Variants in HS3ST3A1 observed in about 807,000 individuals in gnomAD.
The protein encoded by HS3ST3A1 is heparan sulfate glucosamine 3-O-sulfotransferase 3A1.
HS3ST3A1 carries 19 observed loss-of-function variants against 25.7 expected under a neutral mutation model. The observed-to-expected ratio is 0.74, with a 90% CI of 0.52 to 1.08. The LOEUF is 1.08. Ranked by LOEUF, HS3ST3A1 falls within the 50% of genes least tolerant of loss-of-function variation. HS3ST3A1 has a pLI of 0.00. For synonymous variants in HS3ST3A1, 226 were observed against 278.6 expected, an observed-to-expected ratio of 0.81 and a Z score of 1.88; for missense variants, 459 against 594.3, an observed-to-expected ratio of 0.77 and a Z score of 2.37.
intron 1 of HS3ST3A1, 149 bp from the exon 2 acceptor site, chr17:13,496,967 C>T: frequency 1.9e-6 from 2 of 1,028,350 alleles, no homozygotes; most frequent in African/African-American, 1.6e-5. Flanking sequence ...GCACAACGAG[C>T]CCCGCACCTC....
intron 1 of HS3ST3A1, among the ~76,000 whole-genome samples, chr17:13,526,414 A>G (rs977174491): frequency 3.4e-5 from 5 of 146,484 alleles, no homozygotes; most frequent in African/African-American, 5.0e-5. Context: ...ATTGGGGGGA[A>G]GGAAACACTT....
At chr17:13,533,393 C>T (rs115017764) in intron 1 of HS3ST3A1, among the ~76,000 whole-genome samples, 3,263 of 151,848 alleles carry the variant, frequency 0.021, 108 homozygotes, top group African/African-American at 0.073. Context: ...TGTCATCGTC[C>T]TAAGTCTTGT....
At chr17:13,515,476 T>G (rs1318004814) in intron 1 of HS3ST3A1, among the ~76,000 whole-genome samples, 1 of 147,098 alleles carries the variant, frequency 6.8e-6, no homozygotes, top group African/African-American at 2.5e-5. Context: ...TTTCAGTTTT[T>G]TTTTTTTTTT....
intron 1 of HS3ST3A1, among the ~76,000 whole-genome samples, chr17:13,512,706 T>C (rs1291349939): frequency 1.3e-5 from 2 of 152,178 alleles, no homozygotes; most frequent in Non-Finnish European, 1.5e-5. Flanking sequence ...AGAATAAAAT[T>C]AGTATTCAAA....
chr17:13,552,641 A>C (rs1196506117), intron 1 of HS3ST3A1, among the ~76,000 whole-genome samples: 2 of 152,180 alleles, frequency 1.3e-5, no homozygotes, highest in African/African-American at 4.8e-5. Context: ...CTTTCTCCAG[A>C]ACTCTGCCTA....
chr17:13,547,735 G>C (rs1003743344), intron 1 of HS3ST3A1, among the ~76,000 whole-genome samples: 1 of 152,144 alleles, frequency 6.6e-6, no homozygotes, highest in African/African-American at 2.4e-5. Context: ...AAGGGGTTAT[G>C]AGAACCCTTG....
At chr17:13,511,860 AT>A (rs141866308) in intron 1 of HS3ST3A1, among the ~76,000 whole-genome samples, 2,292 of 152,166 alleles carry the variant, frequency 0.015, 56 homozygotes, top group African/African-American at 0.052. Flanking sequence ...TTGTCTTTGA[AT>A]TTTGATAGAT....
At chr17:13,580,334 A>G (rs1908077246) in intron 1 of HS3ST3A1, among the ~76,000 whole-genome samples, 1 of 152,090 alleles carries the variant, frequency 6.6e-6, no homozygotes, top group African/African-American at 2.4e-5. Flanking sequence ...TAAAAATGAC[A>G]CTTTGACTTT....
chr17:13,560,975 A>G (rs1907530985), intron 1 of HS3ST3A1, among the ~76,000 whole-genome samples: 1 of 152,214 alleles, frequency 6.6e-6, no homozygotes, highest in Admixed American at 6.5e-5. Context: ...TGGGCACAGA[A>G]GATCCAGTAA....
intron 1 of HS3ST3A1, among the ~76,000 whole-genome samples, chr17:13,530,995 C>T (rs945379258): frequency 2.4e-4 from 36 of 152,146 alleles, no homozygotes; most frequent in African/African-American, 8.4e-4. Flanking sequence ...GAATCAGATG[C>T]TATTGAGTGT....
At position 13,496,003 on chromosome 17, in the gene HS3ST3A1, T is replaced by G; in HGVS notation, c.*194A>C. 1 of 616,838 alleles carries G rather than the reference T, an allele frequency of 1.6e-6. No individual in the cohort carries two copies. Among genetic ancestry groups the G allele is most frequent in the Non-Finnish European group, 2.6e-6 (1 of 386,618 alleles). The allele number at this position is 616,838 out of a possible 1,614,324, so 38.2% of individuals were successfully genotyped here. A position where few individuals can be genotyped will look rare whatever the true frequency, so the allele number is the denominator to read the frequency against. On this transcript the variant is annotated 3_prime_UTR_variant, in exon 2 of 2. Coordinates refer to ENST00000284110, the MANE Select transcript of HS3ST3A1 (RefSeq NM_006042.3). ...GAAAGTGTTTAGACGAGTGAAATTT[T>G]CCTTTTCTGTTGATCCACGTGTTTG...
intron 1 of HS3ST3A1, among the ~76,000 whole-genome samples, chr17:13,578,646 T>C (rs1908017531): frequency 6.6e-6 from 1 of 151,780 alleles, no homozygotes; most frequent in African/African-American, 2.4e-5. Flanking sequence ...GGGCCCAGTC[T>C]CTCCTAGACA....
chr17:13,568,770 G>C (rs1301446654), intron 1 of HS3ST3A1, among the ~76,000 whole-genome samples: 3 of 152,112 alleles, frequency 2.0e-5, no homozygotes, highest in African/African-American at 7.2e-5. Flanking sequence ...TGGGAACCAA[G>C]TTGTAAAAAA....
intron 1 of HS3ST3A1, among the ~76,000 whole-genome samples, chr17:13,499,300 A>G (rs1480408380): frequency 6.6e-6 from 1 of 152,170 alleles, no homozygotes; most frequent in African/African-American, 2.4e-5. Context: ...ATAAAAGCTT[A>G]TGTTACTCTT....
intron 1 of HS3ST3A1, chr17:13,555,914 A>G (rs1285558684): frequency 6.6e-6 from 1 of 152,202 alleles, no homozygotes. Context: ...GCATAAAAGC[A>G]AAGGCACGAA....
At chr17:13,581,064 G>T (rs1335429234) in intron 1 of HS3ST3A1, among the ~76,000 whole-genome samples, 1 of 152,070 alleles carries the variant, frequency 6.6e-6, no homozygotes, top group Non-Finnish European at 1.5e-5. Flanking sequence ...CAAATGCAAA[G>T]CTCACATTAT....
At chr17:13,574,499 A>C (rs1284142703) in intron 1 of HS3ST3A1, among the ~76,000 whole-genome samples, 1 of 151,476 alleles carries the variant, frequency 6.6e-6, no homozygotes, top group Non-Finnish European at 1.5e-5. Context: ...CAGGCGGATC[A>C]CGAGGTCAGG....
intron 1 of HS3ST3A1, among the ~76,000 whole-genome samples, chr17:13,574,611 A>G (rs148262465): frequency 0.029 from 4,385 of 151,854 alleles, 206 homozygotes; most frequent in African/African-American, 0.1. Flanking sequence ...CCAGCTACTC[A>G]GGAGGCTGAG....
intron 1 of HS3ST3A1, among the ~76,000 whole-genome samples, chr17:13,530,043 T>C (rs765170548): frequency 9.0e-4 from 125 of 139,430 alleles, no homozygotes; most frequent in Middle Eastern, 7.5e-3. Flanking sequence ...TACACACGGG[T>C]TGGGGTGGGC....
Sources: gnomAD v4.1 joint callset for allele counts (sites outside exome capture counted in the v4.1 genomes callset) on GRCh38, gnomAD v4.1.1 for gene constraint, MANE v1.5 for transcripts, NCBI Gene and HGNC (gene_info 2026-07-23, HGNC 2026-07-21) for gene names.